RYR3: variants seen among roughly 807,000 people sequenced by gnomAD.
RYR3 encodes the protein ryanodine receptor 3.
RYR3 carries 207 observed loss-of-function variants against 584.3 expected under a neutral mutation model. That is an observed-to-expected ratio of 0.35 (90% CI 0.32 to 0.40). The LOEUF (loss-of-function observed/expected upper bound fraction) is 0.40, where lower values mean the gene tolerates loss of function less well. RYR3 is among the 10% of genes least tolerant of loss of function. RYR3 has a pLI of 1.00. For missense variants in RYR3, 5,616 were observed against 6,089.2 expected, an observed-to-expected ratio of 0.92 and a Z score of 2.59; for synonymous variants, 2,416 against 2,248.5, an observed-to-expected ratio of 1.07 and a Z score of -2.11.
chr15:33,540,933 C>T (rs2055765914), intron 7 of RYR3, 43 bp downstream of exon 7: 1 of 1,264,738 alleles, frequency 7.9e-7, no homozygotes, highest in Admixed American at 1.7e-5. Context: ...CTGCCTATCT[C>T]TCTTGAGCTG....
intron 1 of RYR3, among the ~76,000 whole-genome samples, chr15:33,379,687 C>CTCTCTCTCTCTCTCTCTCTATA: frequency 2.9e-4 from 37 of 125,514 alleles, no homozygotes; most frequent in African/African-American, 1.2e-3. Flanking sequence ...CTCTCTCTCT[C>CTCTCTCTCTCTCTCTCTCTATA]TATATATATA....
chr15:33,420,838 T>C (rs1250892548), intron 1 of RYR3, among the ~76,000 whole-genome samples: 2 of 152,158 alleles, frequency 1.3e-5, no homozygotes, highest in African/African-American at 4.8e-5. Context: ...CAGAACCTAC[T>C]GTTGGTAAAA....
intron 3 of RYR3, among the ~76,000 whole-genome samples, chr15:33,515,178 G>A (rs2053401715): frequency 6.6e-6 from 1 of 152,162 alleles, no homozygotes; most frequent in Non-Finnish European, 1.5e-5. Flanking sequence ...AATGACTGAG[G>A]CATTGTGAGT....
chr15:33,361,352 A>G lies in RYR3; in HGVS notation c.51+50256A>G, dbSNP rs954988017. Among the ~76,000 whole-genome samples, 10 of 152,340 alleles carry G rather than the reference A, an allele frequency of 6.6e-5. No homozygotes were observed. The South Asian group carries it at 2.1e-3, about 32-fold the overall frequency. The stretch of plus-strand genomic sequence containing the variant: ...TTGAAAGGATGGCAAGCGAATATAC[A>G]TGAATACAGTTTTTATAAAAGGTTG... On this transcript the variant is annotated intron_variant, in intron 1 of 103. Transcript: ENST00000634891.
intron 20 of RYR3, among the ~76,000 whole-genome samples, chr15:33,627,203 G>A (rs2061036426): frequency 6.6e-6 from 1 of 152,146 alleles, no homozygotes; most frequent in African/African-American, 2.4e-5. Context: ...CTTCTAAGTT[G>A]TCAAAAGAAA....
At chr15:33,839,332 G>A (rs994472106) in intron 89 of RYR3, among the ~76,000 whole-genome samples, 7 of 152,180 alleles carry the variant, frequency 4.6e-5, no homozygotes, top group East Asian at 1.9e-4. Context: ...TTCTGAGTCC[G>A]TGCTTTCTCA....
chr15:33,322,610 GACTT>G (rs1189283701), intron 1 of RYR3, among the ~76,000 whole-genome samples: 1 of 152,108 alleles, frequency 6.6e-6, no homozygotes, highest in African/African-American at 2.4e-5. Context: ...AAGTTGCTCT[GACTT>G]ATTTATTTTT....
chr15:33,703,068 T>A (rs539885397), intron 42 of RYR3, among the ~76,000 whole-genome samples: 2 of 152,296 alleles, frequency 1.3e-5, no homozygotes, highest in East Asian at 3.9e-4. Context: ...AAGATTCTGC[T>A]GTTTCAGGCC....
chr15:33,663,339 G>A (rs1026537567), intron 35 of RYR3, among the ~76,000 whole-genome samples, 198 bp from the exon 36 acceptor site: 1 of 152,096 alleles, frequency 6.6e-6, no homozygotes, highest in Non-Finnish European at 1.5e-5. Context: ...TCTCTCCATA[G>A]GCAGATTTCT....
Position 33,701,623 on chromosome 15 carries a change from G to A in RYR3, c.6483+543G>A, listed in dbSNP as rs527975697. On this transcript the variant is annotated intron_variant, in intron 42 of 103. Coordinates refer to ENST00000634891, the MANE Select transcript of RYR3 (RefSeq NM_001036.6). Reference sequence around the variant, plus strand: ...GACAGGATTCACAGTGTGACCTTCTGAGTGGAGCAGAGCAACCTGGAGGGG... The same window carrying A: ...GACAGGATTCACAGTGTGACCTTCTAAGTGGAGCAGAGCAACCTGGAGGGG... Among the ~76,000 whole-genome samples the A allele has an allele frequency of 2.0e-3, 300 of 152,144 alleles. 2 individuals are homozygous for A. Among genetic ancestry groups the A allele is most frequent in the African/African-American group, 6.8e-3 (282 of 41,520 alleles).
chr15:33,379,163 A>G (rs2040969386), intron 1 of RYR3, among the ~76,000 whole-genome samples: 1 of 152,210 alleles, frequency 6.6e-6, no homozygotes, highest in Admixed American at 6.5e-5. Context: ...GAAAAAAATG[A>G]GTACAAGCAG....
At position 33,637,675 on chromosome 15, in the gene RYR3, A is replaced by C. The variant is rs554877642; in HGVS notation, c.3556+1125A>C. Among the ~76,000 whole-genome samples the C allele has an allele frequency of 1.1e-3, 163 of 152,366 alleles. No individual in the cohort carries two copies. In the Middle Eastern group the frequency reaches 0.014, roughly 13 times the overall value. On this transcript the variant is annotated intron_variant, in intron 27 of 103. Coordinates refer to ENST00000634891, the MANE Select transcript of RYR3 (RefSeq NM_001036.6). Reference sequence around the variant, plus strand: ...TAGGCAAGAGAGCACAAATACATGAAACTGTGTGTATGTAATATACATGCT... The same window carrying C: ...TAGGCAAGAGAGCACAAATACATGACACTGTGTGTATGTAATATACATGCT...
At chr15:33,469,066 CAT>C (rs897099318) in intron 1 of RYR3, among the ~76,000 whole-genome samples, 5 of 152,098 alleles carry the variant, frequency 3.3e-5, no homozygotes, top group Non-Finnish European at 4.4e-5. Flanking sequence ...CATTTAAAAA[CAT>C]ATAGTGGGGG....
At chr15:33,848,150 C>G in intron 93 of RYR3, 141 bp from the exon 94 acceptor site, 1 of 1,025,846 alleles carries the variant, frequency 9.7e-7, no homozygotes, top group Non-Finnish European at 1.5e-6. Context: ...TGGCTTTGAT[C>G]CCACAACTAG....
rs561532796 is a variant in RYR3 at position 33,860,833 on chromosome 15, T to G, written c.14364+174T>G. On this transcript the variant is annotated intron_variant, in intron 101 of 103. Transcript: ENST00000634891. The stretch of plus-strand genomic sequence containing the variant: ...CATACCCCTGCCAGGCCGGCCACTC[T>G]GCTGCCTCCTCCACTGTCCCACAAT... Among the ~76,000 whole-genome samples, 26 of 152,316 alleles carry G rather than the reference T, an allele frequency of 1.7e-4. No homozygotes were observed. In the East Asian group the frequency reaches 4.8e-3, roughly 28 times the overall value.
chr15:33,471,226 C>T (rs1222860688), intron 1 of RYR3, among the ~76,000 whole-genome samples: 1 of 152,140 alleles, frequency 6.6e-6, no homozygotes, highest in Non-Finnish European at 1.5e-5. Context: ...CAGAAGGTTC[C>T]AGATAGAATG....
At chr15:33,826,168 A>G (rs2077368700) in intron 82 of RYR3, 84 bp from the exon 83 acceptor site, 3 of 1,347,578 alleles carry the variant, frequency 2.2e-6, no homozygotes, top group East Asian at 2.3e-5. Context: ...ATGTGTTCAC[A>G]TAGCCAGTTT....
chr15:33,682,240 G>T (rs2064678685), intron 38 of RYR3, among the ~76,000 whole-genome samples: 1 of 152,166 alleles, frequency 6.6e-6, no homozygotes, highest in African/African-American at 2.4e-5. Flanking sequence ...ACTTAACAAT[G>T]AGTGACACCT....
chr15:33,539,254 C>T (rs1267321704), intron 5 of RYR3, 96 bp from the exon 6 acceptor site: 14 of 732,266 alleles, frequency 1.9e-5, no homozygotes, highest in Admixed American at 6.3e-5. Context: ...GTTGTGTGCA[C>T]GTGAAGGGTT....
Sources: gnomAD v4.1 joint callset for allele counts (sites outside exome capture counted in the v4.1 genomes callset) on GRCh38, gnomAD v4.1.1 for gene constraint, MANE v1.5 for transcripts, NCBI Gene and HGNC (gene_info 2026-07-23, HGNC 2026-07-21) for gene names.